THNSL2: variants seen among roughly 807,000 people sequenced by gnomAD.
THNSL2 encodes the protein threonine synthase like 2.
Under a neutral mutation model 40.0 loss-of-function variants are expected in THNSL2, and 34 were observed. The observed-to-expected ratio is 0.85, with a 90% CI of 0.65 to 1.13. The LOEUF (loss-of-function observed/expected upper bound fraction) is 1.13, where lower values mean the gene tolerates loss of function less well. Ranked by LOEUF, THNSL2 falls within the 50% of genes most tolerant of loss-of-function variation. The pLI, the probability that THNSL2 is intolerant of heterozygous loss-of-function variation, is 0.00. For missense variants in THNSL2, 537 were observed against 608.8 expected, an observed-to-expected ratio of 0.88 and a Z score of 1.24; for synonymous variants, 241 against 247.5, an observed-to-expected ratio of 0.97 and a Z score of 0.25.
chr2:88,174,868 G>A, intron 3 of THNSL2, 35 bp downstream of exon 3: 4 of 1,606,754 alleles, frequency 2.5e-6, no homozygotes, highest in Middle Eastern at 1.7e-4. Context: ...GAATACCTGA[G>A]TGCTGTGACT....
chr2:88,170,926 C>T (rs1676302053), intron 1 of THNSL2, among the ~76,000 whole-genome samples: 1 of 152,166 alleles, frequency 6.6e-6, no homozygotes, highest in Non-Finnish European at 1.5e-5. Context: ...CCTGTCTACC[C>T]ACCTTCTTGT....
At chr2:88,171,967 A>G (rs1242727574) in intron 1 of THNSL2, 1 of 152,302 alleles carries the variant, frequency 6.6e-6, no homozygotes. Context: ...GGGCCCACAG[A>G]TGTCAGAGCC....
intron 3 of THNSL2, 127 bp downstream of exon 3, chr2:88,174,960 C>T: frequency 8.5e-7 from 1 of 1,177,542 alleles, no homozygotes; most frequent in East Asian, 2.5e-5. Context: ...AGGTTCCTAA[C>T]ATTTTCTGGT....
Position 88,174,904 on chromosome 2 carries a change from G to A in THNSL2, c.418+71G>A, listed in dbSNP as rs932408615. 7 of 1,531,150 alleles carry A rather than the reference G, an allele frequency of 4.6e-6. No individual in the cohort carries two copies. The African/African-American group carries it at 8.2e-5, about 18-fold the overall frequency. 94.8% of individuals were successfully genotyped at this position (1,531,150 alleles called of 1,614,324 possible). On this transcript the variant is annotated intron_variant, in intron 3 of 8. Transcript: ENST00000674334. ...GTAGGGTGTCCACCTATAGGATGCTGTTCATAGAGCCACTCAGGAACTGTG... is the reference window on the plus strand; with the variant it reads ...GTAGGGTGTCCACCTATAGGATGCTATTCATAGAGCCACTCAGGAACTGTG...
intron 4 of THNSL2, among the ~76,000 whole-genome samples, chr2:88,178,241 G>C (rs1359429405): frequency 1.3e-5 from 2 of 152,210 alleles, no homozygotes; most frequent in Non-Finnish European, 2.9e-5. Flanking sequence ...GTCCATGGAA[G>C]CTTACCTGCC....
At chr2:88,180,516 G>A (rs1454687781) in intron 5 of THNSL2, among the ~76,000 whole-genome samples, 1 of 151,824 alleles carries the variant, frequency 6.6e-6, no homozygotes, top group African/African-American at 2.4e-5. Context: ...AGGTTGTGGT[G>A]AGCTGAGATT....
intron 7 of THNSL2, among the ~76,000 whole-genome samples, chr2:88,184,618 T>A (rs1216172177): frequency 2.0e-5 from 3 of 150,274 alleles, no homozygotes; most frequent in Non-Finnish European, 1.5e-5. Context: ...AAAAAAAAAA[T>A]TAGCTGGGCA....
intron 1 of THNSL2, chr2:88,171,313 T>G: frequency 2.2e-6 from 1 of 456,706 alleles, no homozygotes; most frequent in Non-Finnish European, 4.4e-6. Context: ...CATGGGTATG[T>G]GCTCATCAGG....
intron 4 of THNSL2, chr2:88,175,657 C>A: frequency 9.5e-6 from 4 of 420,184 alleles, no homozygotes; most frequent in Non-Finnish European, 8.5e-6. Flanking sequence ...AAACCATACC[C>A]CAAAAAATGC....
At chr2:88,172,443 C>T (rs1280349470) in intron 1 of THNSL2, 2 of 152,178 alleles carry the variant, frequency 1.3e-5, no homozygotes, top group East Asian at 3.9e-4. Flanking sequence ...CTTAGTTTGC[C>T]TGGGATTGAG....
At chr2:88,170,541 CCCTGATTCCCGCAG>C (rs1676252804) in intron 1 of THNSL2, 85 bp downstream of exon 1, 1 of 152,466 alleles carries the variant, frequency 6.6e-6, no homozygotes, top group Non-Finnish European at 1.5e-5. Flanking sequence ...CTCCGTTCGG[CCCTGATTCCCGCAG>C]GCCCACGTCC....
At chr2:88,176,471 G>A (rs957936956) in intron 4 of THNSL2, 1 of 152,224 alleles carries the variant, frequency 6.6e-6, no homozygotes, top group African/African-American at 2.4e-5. Context: ...TGGCCTGGGC[G>A]AGCTGTGGCC....
chr2:88,171,064 A>G (rs1485297778), intron 1 of THNSL2, among the ~76,000 whole-genome samples: 1 of 152,156 alleles, frequency 6.6e-6, no homozygotes, highest in Middle Eastern at 3.2e-3. Flanking sequence ...TAGAATATAA[A>G]ATCCCAGGGG....
chr2:88,180,226 C>G (rs1212758695), intron 5 of THNSL2, among the ~76,000 whole-genome samples: 3 of 152,234 alleles, frequency 2.0e-5, no homozygotes, highest in African/African-American at 7.2e-5. Flanking sequence ...TCCTATCCAT[C>G]TTTGCTCTGT....
At chr2:88,181,131 C>T (rs1299717428) in intron 5 of THNSL2, among the ~76,000 whole-genome samples, 2 of 712 alleles carry the variant, frequency 2.8e-3, no homozygotes, top group Non-Finnish European at 5.1e-3. Flanking sequence ...TCCTCTCTCT[C>T]CTCTCTCTCT....
chr2:88,178,701 A>C, intron 4 of THNSL2, 82 bp from the exon 5 acceptor site: 1 of 1,473,526 alleles, frequency 6.8e-7, no homozygotes, highest in South Asian at 1.2e-5. Flanking sequence ...TCAGCCTGGG[A>C]GGGCCCTGTC....
intron 7 of THNSL2, 132 bp downstream of exon 7, chr2:88,183,205 G>A (rs1677890413): frequency 7.3e-6 from 9 of 1,235,178 alleles, no homozygotes; most frequent in Admixed American, 5.4e-5. Flanking sequence ...CCACTTTTAC[G>A]GCCACTTTAC....
chr2:88,179,644 G>A (rs1677321442), intron 5 of THNSL2, among the ~76,000 whole-genome samples: 1 of 152,192 alleles, frequency 6.6e-6, no homozygotes, highest in Admixed American at 6.5e-5. Context: ...GCAAAGTGCT[G>A]TACAGCTGTG....
intron 5 of THNSL2, among the ~76,000 whole-genome samples, chr2:88,179,597 C>T (rs1005058570): frequency 4.6e-5 from 7 of 152,174 alleles, no homozygotes; most frequent in African/African-American, 1.4e-4. Context: ...CCTCGATGAG[C>T]GAATCAGATT....
Sources: gnomAD v4.1 joint callset for allele counts (sites outside exome capture counted in the v4.1 genomes callset) on GRCh38, gnomAD v4.1.1 for gene constraint, MANE v1.5 for transcripts, NCBI Gene and HGNC (gene_info 2026-07-23, HGNC 2026-07-21) for gene names.